FOXN3: variants seen among roughly 807,000 people sequenced by gnomAD.
FOXN3 encodes forkhead box N3.
FOXN3 carries 7 observed loss-of-function variants against 38.4 expected under a neutral mutation model. The ratio of observed to expected loss-of-function variants is 0.18; its 90% confidence interval spans 0.10 to 0.34. The LOEUF (loss-of-function observed/expected upper bound fraction) is 0.34. Among genes scored for constraint, FOXN3 ranks in the 10% least tolerant of loss-of-function variants. The pLI is 1.00. For synonymous variants in FOXN3, 230 were observed against 242.2 expected, an observed-to-expected ratio of 0.95 and a Z score of 0.47; for missense variants, 456 against 613.4, an observed-to-expected ratio of 0.74 and a Z score of 2.71.
At chr14:89,228,193 AC>A (rs1375854639) in intron 4 of FOXN3, among the ~76,000 whole-genome samples, 2 of 152,182 alleles carry the variant, frequency 1.3e-5, no homozygotes, top group Non-Finnish European at 2.9e-5. Context: ...AACAAAGAAA[AC>A]TAATACAGTG....
intron 1 of FOXN3, among the ~76,000 whole-genome samples, chr14:89,461,336 C>CAAA: frequency 7.7e-6 from 1 of 129,054 alleles, no homozygotes; most frequent in African/African-American, 2.8e-5. Context: ...GGCTCTGTCT[C>CAAA]AAAAAAAAAA....
At chr14:89,328,006 C>T (rs1293244833) in intron 3 of FOXN3, among the ~76,000 whole-genome samples, 1 of 152,218 alleles carries the variant, frequency 6.6e-6, no homozygotes, top group Non-Finnish European at 1.5e-5. Context: ...TAGCATTCTC[C>T]CAGACCACAG....
intron 1 of FOXN3, among the ~76,000 whole-genome samples, chr14:89,595,875 C>T (rs1896047176): frequency 1.3e-5 from 2 of 152,204 alleles, no homozygotes; most frequent in African/African-American, 4.8e-5. Flanking sequence ...AGAAAACTCC[C>T]TTTTTATTAG....
At chr14:89,446,883 A>T (rs58204680) in intron 1 of FOXN3, among the ~76,000 whole-genome samples, 3,502 of 152,330 alleles carry the variant, frequency 0.023, 44 homozygotes, top group African/African-American at 0.039. Flanking sequence ...TATATCTTGT[A>T]CAGATCTCTA....
chr14:89,537,903 C>G (rs1325717344), intron 1 of FOXN3, among the ~76,000 whole-genome samples: 1 of 152,180 alleles, frequency 6.6e-6, no homozygotes, highest in African/African-American at 2.4e-5. Flanking sequence ...GTTCCTTCTT[C>G]AAAAGTACCT....
intron 1 of FOXN3, among the ~76,000 whole-genome samples, chr14:89,483,414 G>A (rs1318579155): frequency 6.6e-6 from 1 of 152,012 alleles, no homozygotes; most frequent in Non-Finnish European, 1.5e-5. Context: ...GAGATGTGGG[G>A]TGTACTTTTT....
chr14:89,387,239 G>C (rs911791314), intron 2 of FOXN3, among the ~76,000 whole-genome samples: 2 of 152,166 alleles, frequency 1.3e-5, no homozygotes, highest in Non-Finnish European at 2.9e-5. Context: ...TTGGGAGACA[G>C]AGCAAAATTC....
intron 1 of FOXN3, among the ~76,000 whole-genome samples, chr14:89,491,169 T>G (rs904622538): frequency 1.3e-5 from 2 of 150,208 alleles, no homozygotes; most frequent in African/African-American, 4.9e-5. Context: ...AGAGACGGGG[T>G]TTTTCCACAT....
chr14:89,393,249 T>C (rs1891006573), intron 2 of FOXN3, among the ~76,000 whole-genome samples: 1 of 152,188 alleles, frequency 6.6e-6, no homozygotes, highest in South Asian at 2.1e-4. Context: ...CCTCCTCTCT[T>C]CTTTTTATAA....
At chr14:89,505,909 C>T (rs1315995991) in intron 1 of FOXN3, among the ~76,000 whole-genome samples, 5 of 149,500 alleles carry the variant, frequency 3.3e-5, no homozygotes, top group Admixed American at 6.6e-5. Context: ...ATGTGAGGAG[C>T]GTCTCTGCCC....
intron 4 of FOXN3, among the ~76,000 whole-genome samples, chr14:89,248,038 G>T (rs8012191): frequency 6.6e-6 from 1 of 151,986 alleles, no homozygotes; most frequent in Non-Finnish European, 1.5e-5. Flanking sequence ...ATTCTTCAAA[G>T]GGCCTTCCCT....
At chr14:89,240,444 T>C (rs1885106878) in intron 4 of FOXN3, among the ~76,000 whole-genome samples, 2 of 152,250 alleles carry the variant, frequency 1.3e-5, no homozygotes, top group African/African-American at 2.4e-5. Flanking sequence ...ACTGCAACAC[T>C]GTTTGTATAA....
intron 1 of FOXN3, among the ~76,000 whole-genome samples, chr14:89,447,400 G>A (rs1025765488): frequency 3.3e-5 from 5 of 151,938 alleles, no homozygotes; most frequent in African/African-American, 7.3e-5. Flanking sequence ...GGTGGGCGGC[G>A]GGAAGGAACT....
chr14:89,381,818 C>G (rs1890656359), intron 2 of FOXN3, among the ~76,000 whole-genome samples: 1 of 151,478 alleles, frequency 6.6e-6, no homozygotes, highest in Non-Finnish European at 1.5e-5. Flanking sequence ...TGTGATCATG[C>G]CACTATACTC....
At chr14:89,256,552 TC>T (rs1234125027) in intron 4 of FOXN3, among the ~76,000 whole-genome samples, 4 of 152,206 alleles carry the variant, frequency 2.6e-5, no homozygotes, top group African/African-American at 9.7e-5. Flanking sequence ...GCTATTGCTG[TC>T]CCGGCCGTAA....
intron 4 of FOXN3, among the ~76,000 whole-genome samples, chr14:89,198,332 CT>C (rs754596504): frequency 9.9e-5 from 15 of 152,280 alleles, no homozygotes; most frequent in Non-Finnish European, 2.1e-4. Context: ...CATACAAATA[CT>C]ACACTGTTTT....
At chr14:89,571,381 C>T (rs112885712) in intron 1 of FOXN3, among the ~76,000 whole-genome samples, 2 of 151,974 alleles carry the variant, frequency 1.3e-5, no homozygotes, top group African/African-American at 4.8e-5. Context: ...TGGTAGCAGG[C>T]GCCTGTAGTC....
chr14:89,206,752 C>T (rs1244500135), intron 4 of FOXN3, among the ~76,000 whole-genome samples: 1 of 152,232 alleles, frequency 6.6e-6, no homozygotes, highest in African/African-American at 2.4e-5. Context: ...AAATCAACCA[C>T]CGTAACTGCC....
At chr14:89,609,748 T>C (rs1462250031) in intron 1 of FOXN3, among the ~76,000 whole-genome samples, 2 of 152,054 alleles carry the variant, frequency 1.3e-5, no homozygotes, top group Non-Finnish European at 2.9e-5. Flanking sequence ...GGGACAGAAG[T>C]CTTCCAGAGC....
Sources: allele counts gnomAD v4.1 joint callset (sites outside exome capture counted in the v4.1 genomes callset), GRCh38; gene constraint gnomAD v4.1.1; transcripts MANE v1.5; gene names NCBI Gene and HGNC (gene_info 2026-07-23, HGNC 2026-07-21).